Variants in SMAD3 observed in about 807,000 individuals in gnomAD.
SMAD3 encodes SMAD family member 3.
A neutral mutation model predicts 51.8 loss-of-function variants in SMAD3; 12 were observed. That is an observed-to-expected ratio of 0.23 (90% CI 0.15 to 0.38). The LOEUF (loss-of-function observed/expected upper bound fraction) is 0.38. Ranked by LOEUF, SMAD3 falls within the 10% of genes least tolerant of loss-of-function variation. SMAD3 has a pLI of 1.00. For synonymous variants in SMAD3, 238 were observed against 227.7 expected, an observed-to-expected ratio of 1.05 and a Z score of -0.41; for missense variants, 294 against 565.6, an observed-to-expected ratio of 0.52 and a Z score of 4.87.
chr15:67,066,055 C>A lies in SMAD3; in HGVS notation c.-100C>A, dbSNP rs886051379. On this transcript the variant is annotated 5_prime_UTR_variant, in exon 1 of 9. Transcript: ENST00000327367. ...AGAGTTGAGGCGAAGTTTGGGCGACCGCGGCAGGCCCCGGCCGAGCTCCCC... is the reference window on the plus strand; with the variant it reads ...AGAGTTGAGGCGAAGTTTGGGCGACAGCGGCAGGCCCCGGCCGAGCTCCCC... 1 of 696,202 alleles carries A rather than the reference C, an allele frequency of 1.4e-6. No homozygotes were observed. Among genetic ancestry groups the A allele is most frequent in the Non-Finnish European group, 2.1e-6 (1 of 482,760 alleles). 43.1% of individuals were successfully genotyped at this position (696,202 alleles called of 1,614,324 possible).
At chr15:67,083,868 C>T (rs1427705882) in intron 1 of SMAD3, among the ~76,000 whole-genome samples, 1 of 152,056 alleles carries the variant, frequency 6.6e-6, no homozygotes, top group Non-Finnish European at 1.5e-5. Context: ...AAATGAGACC[C>T]AAAGAAACTG....
chr15:67,171,312 G>T (rs934862059), intron 5 of SMAD3, among the ~76,000 whole-genome samples: 1 of 152,074 alleles, frequency 6.6e-6, no homozygotes, highest in African/African-American at 2.4e-5. Flanking sequence ...CATTGTTTCC[G>T]CAACATCCCT....
chr15:67,112,259 C>T (rs1348958609), intron 1 of SMAD3, among the ~76,000 whole-genome samples: 3 of 147,618 alleles, frequency 2.0e-5, no homozygotes, highest in African/African-American at 7.4e-5. Flanking sequence ...AAGCAATTCT[C>T]CTGCCTTAGC....
At chr15:67,087,491 C>G (rs1960418558) in intron 1 of SMAD3, among the ~76,000 whole-genome samples, 1 of 152,180 alleles carries the variant, frequency 6.6e-6, no homozygotes. Flanking sequence ...ACCTGGCACC[C>G]TCTCAGCTGT....
chr15:67,101,377 G>T (rs1005355352), intron 1 of SMAD3, among the ~76,000 whole-genome samples: 1 of 152,256 alleles, frequency 6.6e-6, no homozygotes, highest in South Asian at 2.1e-4. Flanking sequence ...TAATATTTAC[G>T]TATGGGAGTC....
At chr15:67,112,181 C>T (rs1555408226) in intron 1 of SMAD3, among the ~76,000 whole-genome samples, 763 of 84,150 alleles carry the variant, frequency 9.1e-3, no homozygotes, top group Middle Eastern at 0.041. Context: ...CAGAGTTTTG[C>T]TCTTGTTGCC....
In SMAD3 at chr15:67,181,471, TCC is replaced by T; in HGVS notation, c.871+21_871+22del. ...ACACATCGGTATGGGGTGGCTCCAT[TCC>T]CCGCCCCCCCACCCTGCCCCTGCCA... On this transcript the variant is annotated intron_variant, in intron 6 of 8. Coordinates refer to ENST00000327367, the MANE Select transcript of SMAD3 (RefSeq NM_005902.4). 2.6e-6 allele frequency: 4 copies of T among 1,521,032 alleles called. No homozygotes were observed. Among genetic ancestry groups the T allele is most frequent in the Non-Finnish European group, 2.7e-6 (3 of 1,131,950 alleles). 94.2% of individuals were successfully genotyped at this position (1,521,032 alleles called of 1,614,324 possible). A position where few individuals can be genotyped will look rare whatever the true frequency, so the allele number is the denominator to read the frequency against.
intron 1 of SMAD3, among the ~76,000 whole-genome samples, chr15:67,106,180 T>A (rs1210510384): frequency 6.6e-6 from 1 of 152,152 alleles, no homozygotes; most frequent in Non-Finnish European, 1.5e-5. Flanking sequence ...GGGCCCATTC[T>A]CCACCGGCAG....
chr15:67,097,303 C>A (rs1470511452), intron 1 of SMAD3, among the ~76,000 whole-genome samples: 1 of 152,150 alleles, frequency 6.6e-6, no homozygotes, highest in South Asian at 2.1e-4. Flanking sequence ...GCAGCCTTGA[C>A]CTCCCAGCTC....
chr15:67,077,015 C>T (rs888982855), intron 1 of SMAD3, among the ~76,000 whole-genome samples: 4 of 152,202 alleles, frequency 2.6e-5, no homozygotes, highest in Non-Finnish European at 5.9e-5. Context: ...AGATCTTGGG[C>T]TGGGTCTCTC....
chr15:67,126,059 G>A (rs1293385189), intron 1 of SMAD3: 4 of 690,720 alleles, frequency 5.8e-6, no homozygotes, highest in Non-Finnish European at 1.8e-6. Context: ...CTGTATGCTC[G>A]ACACACACTC....
At chr15:67,186,615 A>T (rs1963229113) in intron 7 of SMAD3, 1 of 155,370 alleles carries the variant, frequency 6.4e-6, no homozygotes, top group Non-Finnish European at 1.4e-5. Flanking sequence ...CCTGGCACTC[A>T]GGCAGTAAGA....
At chr15:67,068,907 A>G (rs561183690) in intron 1 of SMAD3, among the ~76,000 whole-genome samples, 191 of 152,312 alleles carry the variant, frequency 1.3e-3, no homozygotes, top group African/African-American at 4.5e-3. Context: ...TTTCACCACA[A>G]CTGCCTTTTA....
rs1039242021 is a variant in SMAD3 at position 67,191,490 on chromosome 15, T to C, written c.*954T>C. 2 of 233,268 alleles carry C rather than the reference T, an allele frequency of 8.6e-6. No individual in the cohort carries two copies. Among genetic ancestry groups the C allele is most frequent in the South Asian group, 3.6e-4 (2 of 5,528 alleles). 14.4% of individuals were successfully genotyped at this position (233,268 alleles called of 1,614,324 possible). ...ATATTGGTTTATGTAGTCAGTTGCATTCATTAAATCAACTTTATCATATGC... is the reference window on the plus strand; with the variant it reads ...ATATTGGTTTATGTAGTCAGTTGCACTCATTAAATCAACTTTATCATATGC... On this transcript the variant is annotated 3_prime_UTR_variant, in exon 9 of 9. Coordinates refer to ENST00000327367, the MANE Select transcript of SMAD3 (RefSeq NM_005902.4).
chr15:67,169,798 G>A (rs1962696231), intron 4 of SMAD3, among the ~76,000 whole-genome samples: 1 of 152,076 alleles, frequency 6.6e-6, no homozygotes, highest in South Asian at 2.1e-4. Flanking sequence ...AGAGGAGCGG[G>A]GACGAGCAGG....
chr15:67,175,333 C>T (rs1962861629), intron 5 of SMAD3, among the ~76,000 whole-genome samples: 1 of 152,024 alleles, frequency 6.6e-6, no homozygotes, highest in Non-Finnish European at 1.5e-5. Flanking sequence ...AGGGATGGGG[C>T]AGCTTGGAGT....
At chr15:67,107,646 T>C (rs1566970617) in intron 1 of SMAD3, among the ~76,000 whole-genome samples, 1 of 152,240 alleles carries the variant, frequency 6.6e-6, no homozygotes, top group Non-Finnish European at 1.5e-5. Flanking sequence ...CCTGTCGCTG[T>C]GGTTATTGCA....
In SMAD3 at chr15:67,170,577, C is replaced by A; in HGVS notation, c.631C>A (p.Pro211Thr). 6.2e-7 allele frequency: 1 copy of A among 1,614,032 alleles called. No individual in the cohort carries two copies. Among genetic ancestry groups the A allele is most frequent in the Middle Eastern group, 1.6e-4 (1 of 6,062 alleles). Residue 211 changes from proline to threonine, a missense_variant, in exon 5 of 9, where the codon CCG becomes ACG. Pro to Thr is a conservative substitution (Grantham distance 38). Coordinates refer to ENST00000327367, the MANE Select transcript of SMAD3 (RefSeq NM_005902.4). Reference protein sequence around the residue: ...DAGSPNLSPNPMSPAHNNLDL... With the variant: ...DAGSPNLSPNTMSPAHNNLDL... ...AGGTTCTCCAAACCTATCCCCGAAT[C>A]CGATGTCCCCAGCACATAATAACTT...
chr15:67,158,867 A>G, intron 1 of SMAD3, among the ~76,000 whole-genome samples: 1 of 152,182 alleles, frequency 6.6e-6, no homozygotes, highest in Non-Finnish European at 1.5e-5. Flanking sequence ...CGTGTTCCTT[A>G]CTTTGCCGGC....
Sources: allele counts gnomAD v4.1 joint callset (sites outside exome capture counted in the v4.1 genomes callset), GRCh38; gene constraint gnomAD v4.1.1; transcripts MANE v1.5; gene names NCBI Gene and HGNC (gene_info 2026-07-23, HGNC 2026-07-21).